DOT1L: variants seen among roughly 807,000 people sequenced by gnomAD.
The protein encoded by DOT1L is DOT1 like histone lysine methyltransferase, also known as histone-lysine N-methyltransferase, H3 lysine-79 specific.
Under a neutral mutation model 153.3 loss-of-function variants are expected in DOT1L, and 33 were observed. The ratio of observed to expected loss-of-function variants is 0.22; its 90% CI spans 0.16 to 0.29. The LOEUF (loss-of-function observed/expected upper bound fraction) is 0.29, where lower values mean the gene tolerates loss of function less well. Ranked by LOEUF, DOT1L falls within the 10% of genes least tolerant of loss-of-function variation. DOT1L has a pLI of 1.00. For missense variants in DOT1L, 1,847 were observed against 2,119.9 expected, an observed-to-expected ratio of 0.87 and a Z score of 2.53; for synonymous variants, 1,135 against 965.1, an observed-to-expected ratio of 1.18 and a Z score of -3.26.
At chr19:2,169,284 C>A (rs989223523) in intron 1 of DOT1L, among the ~76,000 whole-genome samples, 1 of 152,024 alleles carries the variant, frequency 6.6e-6, no homozygotes, top group Non-Finnish European at 1.5e-5. Flanking sequence ...AATCCCAGCT[C>A]CCCCGGAGGC....
rs1039957329 is a variant in DOT1L, at chr19:2,190,207, C to A, written c.264+412C>A. Among the ~76,000 whole-genome samples the A allele has an allele frequency of 6.6e-6, 1 of 152,296 alleles. No individual in the cohort carries two copies. Among genetic ancestry groups the A allele is most frequent in the Admixed American group, 6.5e-5 (1 of 15,304 alleles). ...GGCTGGATGCCGGCCTGGGCTGCACCCTTGGGCACCCCGGTCCTGCTGTGT... is the reference window on the plus strand; with the variant it reads ...GGCTGGATGCCGGCCTGGGCTGCACACTTGGGCACCCCGGTCCTGCTGTGT... On this transcript the variant is annotated intron_variant, in intron 4 of 27. Coordinates refer to ENST00000398665, the MANE Select transcript of DOT1L (RefSeq NM_032482.3). This position sits in a 1 kb window ranked among gnomAD's most constrained non-coding sequence, Gnocchi z 4.8.
At chr19:2,227,262 T>C (rs2024391876) in intron 27 of DOT1L, 135 bp downstream of exon 27, 1 of 1,153,446 alleles carries the variant, frequency 8.7e-7, no homozygotes. Context: ...GCCCCCGCCA[T>C]CCGTGCACGG....
At position 2,225,425 on chromosome 19, in the gene DOT1L, A is replaced by G. The variant is rs759585524; in HGVS notation, c.3634A>G (p.Lys1212Glu). 5.3e-5 allele frequency: 85 copies of G among 1,614,102 alleles called. No individual in the cohort carries two copies. Among genetic ancestry groups the G allele is most frequent in the Non-Finnish European group, 7.0e-5 (83 of 1,180,036 alleles). Residue 1212 changes from lysine (K) to glutamate (E), a missense_variant, in exon 26 of 28, where the codon AAA becomes GAA. Lys to Glu is a moderately conservative substitution (Grantham distance 56). Around this residue, in one of 8 missense-constraint regions of DOT1L, gnomAD observed 934 missense variants for 825.3 expected, o/e 1.13. Coordinates refer to ENST00000398665, the MANE Select transcript of DOT1L (RefSeq NM_032482.3). ...AATTGCAACAATCTCCTTAGAAAGCAAATCTCCCCCGAAAACCTTGGAAAA... is the reference window on the plus strand; with the variant it reads ...AATTGCAACAATCTCCTTAGAAAGCGAATCTCCCCCGAAAACCTTGGAAAA... Reference protein sequence around the residue: ...RKIATISLESKSPPKTLENGG... With the variant: ...RKIATISLESESPPKTLENGG...
chr19:2,215,994 C>T (rs538260719), intron 19 of DOT1L: 2 of 385,194 alleles, frequency 5.2e-6, no homozygotes, highest in East Asian at 9.5e-5. Flanking sequence ...GGATGTTTTA[C>T]ACTTAGAGTC....
At chr19:2,172,257 T>A (rs1243149711) in intron 1 of DOT1L, among the ~76,000 whole-genome samples, 2 of 151,700 alleles carry the variant, frequency 1.3e-5, no homozygotes, top group Non-Finnish European at 2.9e-5. Flanking sequence ...TGGCGCGATC[T>A]CTGCTCACTG....
chr19:2,228,960 C>G, intron 27 of DOT1L: 1 of 985,390 alleles, frequency 1.0e-6, no homozygotes, highest in Non-Finnish European at 1.2e-6. Context: ...TGATGGGTTC[C>G]CGGCGGGGTC....
chr19:2,218,511 A>C (rs2023988192), intron 22 of DOT1L, among the ~76,000 whole-genome samples: 1 of 150,974 alleles, frequency 6.6e-6, no homozygotes, highest in Non-Finnish European at 1.5e-5. Flanking sequence ...CTCCTGCCTC[A>C]GCCTCCCGAG....
chr19:2,188,079 C>T (rs909789768), intron 3 of DOT1L: 2 of 152,300 alleles, frequency 1.3e-5, no homozygotes, highest in African/African-American at 2.4e-5. Context: ...CCTTCCACCC[C>T]CGTGTCCTTC....
intron 4 of DOT1L, 75 bp downstream of exon 4, chr19:2,189,870 C>T (rs1236233452): frequency 1.5e-5 from 22 of 1,507,128 alleles, no homozygotes; most frequent in East Asian, 9.1e-5. Context: ...CTTATGTCAC[C>T]GCCTCGGGGC....
At chr19:2,202,958 G>C (rs1375311911) in intron 9 of DOT1L, among the ~76,000 whole-genome samples, 179 bp downstream of exon 9, 1 of 152,138 alleles carries the variant, frequency 6.6e-6, no homozygotes, top group African/African-American at 2.4e-5. Flanking sequence ...GTTTTCCTCT[G>C]TCACCCAGGC....
chr19:2,184,918 C>T (rs1403951841), intron 2 of DOT1L, among the ~76,000 whole-genome samples: 5 of 152,168 alleles, frequency 3.3e-5, no homozygotes, highest in African/African-American at 7.2e-5. Context: ...GGATGTTGGT[C>T]AGCTGTTGCC....
chr19:2,169,816 A>G (rs948944591), intron 1 of DOT1L, among the ~76,000 whole-genome samples: 2 of 152,174 alleles, frequency 1.3e-5, no homozygotes, highest in African/African-American at 4.8e-5. Flanking sequence ...CTTTAGCTCG[A>G]CAGTGTGAAT....
chr19:2,227,431 G>A (rs138128997), intron 27 of DOT1L: 2 of 621,384 alleles, frequency 3.2e-6, no homozygotes, highest in South Asian at 1.5e-5. Context: ...AGGTGTGGCC[G>A]CCCGGGCTCT....
In DOT1L at chr19:2,193,666, C is replaced by G; in HGVS notation, c.494-23C>G. The G allele has an allele frequency of 1.2e-6, 2 of 1,612,168 alleles. No individual in the cohort carries two copies. Among genetic ancestry groups the G allele is most frequent in the Non-Finnish European group, 1.7e-6 (2 of 1,178,442 alleles). On this transcript the variant is annotated intron_variant, in intron 5 of 27. Coordinates refer to ENST00000398665, the MANE Select transcript of DOT1L (RefSeq NM_032482.3). The surrounding 1 kb of genome is among the most constrained non-coding windows in gnomAD (Gnocchi z 5.9). Reference sequence around the variant, plus strand: ...GTGGCATCTGAGCGCTGTGTGGTATCTGATGGATCTCTCTGATCATAGGTG... The same window carrying G: ...GTGGCATCTGAGCGCTGTGTGGTATGTGATGGATCTCTCTGATCATAGGTG...
At chr19:2,183,478 C>T (rs997686172) in intron 2 of DOT1L, among the ~76,000 whole-genome samples, 1 of 152,228 alleles carries the variant, frequency 6.6e-6, no homozygotes, top group Admixed American at 6.5e-5. Flanking sequence ...CTGTCCTAGG[C>T]TCTCCTCGTT....
At chr19:2,205,432 C>G (rs888244103) in intron 9 of DOT1L, among the ~76,000 whole-genome samples, 1 of 152,190 alleles carries the variant, frequency 6.6e-6, no homozygotes, top group Non-Finnish European at 1.5e-5. Flanking sequence ...TTAGCAGCAG[C>G]CTTGCAGGTG....
rs767726356 is a variant in DOT1L, at chr19:2,217,926, G to T, written c.2691+8G>T. On this transcript the variant is annotated splice_region_variant and intron_variant, in intron 22 of 27. Coordinates refer to ENST00000398665, the MANE Select transcript of DOT1L (RefSeq NM_032482.3). This position sits in a 1 kb window ranked among gnomAD's most constrained non-coding sequence, Gnocchi z 7.3. ...AGCCGCGCCGAGAGGGCGGTGAGTG[G>T]CTCCCAGGTGGCTGTCCCCAAGGGC... 2 of 1,609,892 alleles carry T rather than the reference G, an allele frequency of 1.2e-6. No homozygotes were observed. The highest frequency in any genetic ancestry group is 1.7e-6 in the Non-Finnish European group (2 of 1,179,378).
At chr19:2,173,241 C>T (rs2021742048) in intron 1 of DOT1L, among the ~76,000 whole-genome samples, 1 of 152,118 alleles carries the variant, frequency 6.6e-6, no homozygotes, top group African/African-American at 2.4e-5. Context: ...CGCTTTCCTC[C>T]TTCCCTGTCA....
intron 1 of DOT1L, 140 bp downstream of exon 1, chr19:2,164,405 C>CT (rs1460432887): frequency 1.9e-6 from 1 of 514,376 alleles, no homozygotes; most frequent in African/African-American, 2.0e-5. Context: ...CGCTGCTCCA[C>CT]CCCCGTTGCT....
Sources: gnomAD v4.1 joint callset for allele counts (sites outside exome capture counted in the v4.1 genomes callset) on GRCh38, gnomAD v4.1.1 for gene constraint, gnomAD v4.1.1 regional missense constraint, Gnocchi (gnomAD v3.1) non-coding constraint, MANE v1.5 for transcripts, NCBI Gene and HGNC (gene_info 2026-07-23, HGNC 2026-07-21) for gene names.